OR4A15: variants seen among roughly 807,000 people sequenced by gnomAD.
The protein encoded by OR4A15 is olfactory receptor 4A15.
For synonymous variants in OR4A15, 240 were observed against 135.6 expected (o/e 1.77, Z -5.35); for missense variants, 657 against 374.7 (o/e 1.75, Z -6.22).
exon 1 of OR4A15, chr11:55,368,021 A>G (rs764840864): frequency 2.5e-6 from 4 of 1,613,392 alleles, no homozygotes; most frequent in Non-Finnish European, 2.5e-6. Context: ...TAGGGCTCAC[A>G]CAGAACCCTG....
exon 1 of OR4A15, chr11:55,368,616 T>C (rs201986906): frequency 6.2e-7 from 1 of 1,613,736 alleles, no homozygotes; most frequent in Non-Finnish European, 8.5e-7. Context: ...TATCCTGCTT[T>C]CCTATGGGGT....
exon 1 of OR4A15, chr11:55,368,597 C>G: frequency 6.2e-7 from 1 of 1,613,660 alleles, no homozygotes; most frequent in Non-Finnish European, 8.5e-7. Context: ...GTGCTGTCAC[C>G]TTCTTCACTA....
exon 1 of OR4A15, chr11:55,368,408 G>T: frequency 1.2e-6 from 2 of 1,613,442 alleles, no homozygotes; most frequent in East Asian, 2.2e-5. Flanking sequence ...TGCTGTTGGC[G>T]GCCTGGATTG....
rs1471255651 is a variant in OR4A15, at chr11:55,368,136, TC to T, written c.168del (p.Met57CysfsTer11). On this transcript the variant is annotated frameshift_variant, in exon 1 of 1. Coordinates refer to ENST00000641526, the Ensembl canonical transcript of OR4A15. LOFTEE classifies it low-confidence loss of function (END_TRUNC). ...CATCATGGCCAGCCAGTCCCTGGGT[TC>T]CCCCATGTACTTTTTTCTGGCTTCT... 1.9e-6 allele frequency: 3 copies of T among 1,612,740 alleles called. No homozygotes were observed. Among genetic ancestry groups the T allele is most frequent in the Admixed American group, 1.7e-5 (1 of 59,922 alleles).
At chr11:55,368,495 C>G (rs1041403209) in exon 1 of OR4A15, 2 of 1,611,632 alleles carry the variant, frequency 1.2e-6, no homozygotes, top group Non-Finnish European at 1.7e-6. Context: ...TCATTGACAA[C>G]TTCCTGTGTG....
chr11:55,367,976 GA>G lies in OR4A15; in HGVS notation c.8del (p.Asn3IlefsTer5), dbSNP rs1853871633. The G allele has an allele frequency of 6.2e-7, 1 of 1,613,136 alleles. No homozygotes were observed. Among genetic ancestry groups the G allele is most frequent in the African/African-American group, 1.3e-5 (1 of 74,858 alleles). ...GTCCAACACCTTCAGAAGAACACATGAAAAATAAGAACAATGTGACTGAATT... is the reference window on the plus strand; with the variant it reads ...GTCCAACACCTTCAGAAGAACACATGAAAATAAGAACAATGTGACTGAATT... On this transcript the variant is annotated frameshift_variant, in exon 1 of 1. Coordinates refer to ENST00000641526, the Ensembl canonical transcript of OR4A15. LOFTEE classifies it low-confidence loss of function (END_TRUNC).
exon 1 of OR4A15, chr11:55,368,597 C>T (rs761843525): frequency 1.2e-6 from 2 of 1,613,660 alleles, no homozygotes; most frequent in Non-Finnish European, 1.7e-6. Flanking sequence ...GTGCTGTCAC[C>T]TTCTTCACTA....
chr11:55,368,339 G>A (rs1853881671), exon 1 of OR4A15: 3 of 1,612,954 alleles, frequency 1.9e-6, no homozygotes, highest in Non-Finnish European at 2.5e-6. Flanking sequence ...ATCGATACAT[G>A]GCCATCTGTA....
At chr11:55,368,781 A>G (rs1156927012) in exon 1 of OR4A15, 2 of 1,613,712 alleles carry the variant, frequency 1.2e-6, no homozygotes, top group South Asian at 1.1e-5. Context: ...TAAATCCATG[A>G]CTGTAGTTCT....
At chr11:55,368,841 G>A (rs1231948729) in exon 1 of OR4A15, 3 of 1,613,030 alleles carry the variant, frequency 1.9e-6, no homozygotes, top group Admixed American at 1.7e-5. Context: ...CCTGAAGAAT[G>A]CAGAAATGAA....
rs138550512 is a variant in OR4A15 at position 55,368,827 on chromosome 11, A to T, written c.854A>T (p.Tyr285Phe). The change falls in exon 1 of 1, where the codon TAT becomes TTT. Residue 285 changes from tyrosine (Y) to phenylalanine (F), a missense_variant. Physicochemically the swap from Tyr to Phe is conservative, Grantham distance 22. Transcript: ENST00000641526. ...ACTCCCATGCTGAACCCACTAATCT[A>T]TACCCTGAAGAATGCAGAAATGAAA... The T allele has an allele frequency of 2.5e-5, 40 of 1,613,278 alleles. No homozygotes were observed. In the African/African-American group the frequency reaches 5.2e-4, roughly 21 times the overall value.
exon 1 of OR4A15, chr11:55,368,289 G>T (rs765108099): frequency 3.1e-6 from 5 of 1,613,692 alleles, no homozygotes; most frequent in African/African-American, 2.7e-5. Flanking sequence ...TCATTTATTT[G>T]CTGGTGCTGA....
In OR4A15 at chr11:55,368,543, C is replaced by G. The variant is rs61748701; in HGVS notation, c.570C>G (p.Thr190=). The change falls in exon 1 of 1, where the codon ACC becomes ACG. Residue 190 remains threonine, a synonymous_variant. Transcript: ENST00000641526. ...TATTGAAACTTGCTTGCACCAATACCTATGTCACTGGGCTTTCTATGATAG... is the reference window on the plus strand; with the variant it reads ...TATTGAAACTTGCTTGCACCAATACGTATGTCACTGGGCTTTCTATGATAG... 189 of 1,613,354 alleles carry G rather than the reference C, an allele frequency of 1.2e-4. No individual in the cohort carries two copies. The African/African-American group carries it at 2.3e-3, about 20-fold the overall frequency.
At chr11:55,368,779 T>C (rs202198031) in exon 1 of OR4A15, 1 of 1,613,786 alleles carries the variant, frequency 6.2e-7, no homozygotes, top group South Asian at 1.1e-5. Context: ...GATAAATCCA[T>C]GACTGTAGTT....
chr11:55,368,806 C>G (rs376490865), exon 1 of OR4A15: 1 of 1,613,160 alleles, frequency 6.2e-7, no homozygotes. Flanking sequence ...TTTATAACTC[C>G]CATGCTGAAC....
exon 1 of OR4A15, chr11:55,368,814 A>T: frequency 6.2e-7 from 1 of 1,613,482 alleles, no homozygotes; most frequent in Non-Finnish European, 8.5e-7. Context: ...TCCCATGCTG[A>T]ACCCACTAAT....
Position 55,368,246 on chromosome 11 carries a change from C to T in OR4A15, c.273C>T (p.Ser91=), listed in dbSNP as rs200584338. The T allele has an allele frequency of 2.6e-5, 42 of 1,613,718 alleles. No homozygotes were observed. The South Asian group carries it at 2.9e-4, about 11-fold the overall frequency. ...TGCTCTCTGAGAAAAAGACCATTTC[C>T]TTTCAGGGTTGTATGGCTCAACTTT... The change falls in exon 1 of 1, where the codon TCC becomes TCT. Residue 91 remains serine (S), a synonymous_variant. Transcript: ENST00000641526.
rs762236273 is a variant in OR4A15 at position 55,368,683 on chromosome 11, C to T, written c.710C>T (p.Thr237Ile). The change falls in exon 1 of 1, where the codon ACC (threonine) becomes ATC (isoleucine). Residue 237 changes from threonine to isoleucine, a missense_variant. Thr to Ile is a moderately conservative substitution (Grantham distance 89). Coordinates refer to ENST00000641526, the Ensembl canonical transcript of OR4A15. Reference sequence around the variant, plus strand: ...GAAGGGAAACGAAAAGCTTTCTACACCTGTGCATCCCACGTCACTGTGGTC... The same window carrying T: ...GAAGGGAAACGAAAAGCTTTCTACATCTGTGCATCCCACGTCACTGTGGTC... 5.0e-6 allele frequency: 8 copies of T among 1,613,662 alleles called. No individual in the cohort carries two copies. The East Asian group carries it at 6.7e-5, about 14-fold the overall frequency.
exon 1 of OR4A15, chr11:55,368,023 A>G (rs750055990): frequency 1.9e-6 from 3 of 1,613,560 alleles, no homozygotes; most frequent in Non-Finnish European, 1.7e-6. Context: ...GGGCTCACAC[A>G]GAACCCTGAG....
Sources: allele counts gnomAD v4.1 joint callset, GRCh38; gene constraint gnomAD v4.1.1; transcripts MANE v1.5; gene names NCBI Gene and HGNC (gene_info 2026-07-23, HGNC 2026-07-21).